Variants in POLA2 observed in about 807,000 individuals in gnomAD.
The protein encoded by POLA2 is DNA polymerase alpha 2, accessory subunit.
POLA2 carries 47 observed loss-of-function variants against 82.8 expected under a neutral mutation model. That is an observed-to-expected ratio of 0.57 (90% CI 0.45 to 0.72). POLA2 has a LOEUF of 0.72. POLA2 is among the 30% of genes least tolerant of loss of function. The pLI, the probability that POLA2 is intolerant of heterozygous loss-of-function variation, is 0.00. For synonymous variants in POLA2, 287 were observed against 286.8 expected (o/e 1.00, Z -0.01); for missense variants, 634 against 728.1 (o/e 0.87, Z 1.49).
At chr11:65,304,229 A>G (rs1590915777) in intron 8 of POLA2, among the ~76,000 whole-genome samples, 1 of 151,570 alleles carries the variant, frequency 6.6e-6, no homozygotes, top group South Asian at 2.1e-4. Context: ...CCATTCATCT[A>G]CCCACCCACC....
At position 65,294,156 on chromosome 11, in the gene POLA2, C is replaced by T. The variant is rs146866280; in HGVS notation, c.1248C>T (p.Ser416=). The T allele has an allele frequency of 2.2e-4, 354 of 1,611,802 alleles. 3 individuals are homozygous for T. In the South Asian group the frequency reaches 3.3e-3, roughly 15 times the overall value. The change falls in exon 14 of 18, where the codon TCC becomes TCT. Residue 416 remains serine, a synonymous_variant. Transcript: ENST00000265465. Reference sequence around the variant, plus strand: ...GTTTGTTCTTTTGCCATACTAGCTCCGGCTCCCACCTTGTCTTTGTCCCGT... The same window carrying T: ...GTTTGTTCTTTTGCCATACTAGCTCTGGCTCCCACCTTGTCTTTGTCCCGT... ...LRTIIEGTRS[S]GSHLVFVPSL...
At chr11:65,287,893 A>C in intron 11 of POLA2, 53 bp downstream of exon 11, 1 of 1,570,062 alleles carries the variant, frequency 6.4e-7, no homozygotes, top group Non-Finnish European at 8.7e-7. Context: ...AATGGCTTTA[A>C]TGAAGTTCTA....
In POLA2 at chr11:65,281,023, GT is replaced by G; in HGVS notation, c.777del (p.Cys259TrpfsTer7). ...EPVTLLGQIG[C>X]DSNGKLNNKS... Reference sequence around the variant, plus strand: ...GTCACTCTGCTGGGCCAGATTGGCTGTGATAGCAACGGGAAGCTGAACAACA... The same window carrying G: ...GTCACTCTGCTGGGCCAGATTGGCTGGATAGCAACGGGAAGCTGAACAACA... On this transcript the variant is annotated frameshift_variant, in exon 8 of 18. Coordinates refer to ENST00000265465, the MANE Select transcript of POLA2 (RefSeq NM_002689.4). LOFTEE classifies it high-confidence loss of function. 6.2e-7 allele frequency: 1 copy of G among 1,614,068 alleles called. No individual in the cohort carries two copies. Among genetic ancestry groups the G allele is most frequent in the Admixed American group, 1.7e-5 (1 of 60,026 alleles).
intron 3 of POLA2, 50 bp downstream of exon 3, chr11:65,267,618 A>G: frequency 7.3e-6 from 9 of 1,226,316 alleles, no homozygotes; most frequent in Non-Finnish European, 1.1e-5. Flanking sequence ...GTTGTATTTT[A>G]TAATTTGTCT....
chr11:65,304,727 T>C (rs913929438), intron 8 of POLA2, among the ~76,000 whole-genome samples: 4 of 152,082 alleles, frequency 2.6e-5, no homozygotes, highest in African/African-American at 9.7e-5. Context: ...TGGAGGAGCA[T>C]GTGCAGGGAC....
intron 3 of POLA2, among the ~76,000 whole-genome samples, 157 bp from the exon 4 acceptor site, chr11:65,268,515 A>AT (rs988249574): frequency 2.7e-5 from 4 of 149,620 alleles, no homozygotes; most frequent in Non-Finnish European, 4.5e-5. Flanking sequence ...AATTTTTTGT[A>AT]TTTTTTTTAG....
chr11:65,294,368 TA>T, intron 14 of POLA2, 107 bp downstream of exon 14: 1 of 1,021,536 alleles, frequency 9.8e-7, no homozygotes, highest in Non-Finnish European at 1.5e-6. Flanking sequence ...AGGGTGTGCG[TA>T]CAGCCTGAAT....
At chr11:65,299,409 CTG>C (rs1949845614), downstream of POLA2, among the ~76,000 whole-genome samples, 1 of 152,220 alleles carries the variant, frequency 6.6e-6, no homozygotes, top group African/African-American at 2.4e-5. Flanking sequence ...GTTCCAGTCT[CTG>C]AGAGGGAGAG....
At chr11:65,278,639 C>T in intron 5 of POLA2, 91 bp from the exon 6 acceptor site, 2 of 1,066,932 alleles carry the variant, frequency 1.9e-6, no homozygotes, top group Non-Finnish European at 1.4e-6. Flanking sequence ...TTCCTTTTCT[C>T]CAGTCCCCAT....
intron 10 of POLA2, among the ~76,000 whole-genome samples, chr11:65,282,750 T>C (rs944548659): frequency 6.6e-6 from 1 of 152,190 alleles, no homozygotes; most frequent in South Asian, 2.1e-4. Context: ...ACATGAAGCA[T>C]GTTGTTTAAA....
intron 10 of POLA2, 107 bp downstream of exon 10, chr11:65,282,628 A>C: frequency 1.1e-6 from 1 of 943,470 alleles, no homozygotes; most frequent in Non-Finnish European, 1.7e-6. Flanking sequence ...GCTGAAGAGC[A>C]ATGTGACCAA....
chr11:65,291,032 T>C (rs1391307064), intron 13 of POLA2, among the ~76,000 whole-genome samples: 1 of 152,290 alleles, frequency 6.6e-6, no homozygotes, highest in Non-Finnish European at 1.5e-5. Context: ...CAGTTCTCAT[T>C]TGAGAGGAAA....
chr11:65,275,970 C>G lies in POLA2; in HGVS notation c.433C>G (p.Leu145Val). The change falls in exon 5 of 18, where the codon CTA becomes GTA. Residue 145 changes from leucine (L) to valine (V), a missense_variant. Leu to Val is a conservative substitution (Grantham distance 32, BLOSUM62 1). Transcript: ENST00000265465. ...RSVSTRSPHQLLSPSSFSPSA... is the reference protein window; with the variant it reads ...RSVSTRSPHQVLSPSSFSPSA... ...TGTGTCAACTCGTAGCCCCCATCAG[C>G]TACTCTCACCGTCAAGTTTCTCTCC... 6.2e-7 allele frequency: 1 copy of G among 1,604,418 alleles called. No individual in the cohort carries two copies. Among genetic ancestry groups the G allele is most frequent in the Non-Finnish European group, 8.5e-7 (1 of 1,175,234 alleles).
At chr11:65,281,255 G>A in intron 8 of POLA2, 108 bp downstream of exon 8, 2 of 1,175,144 alleles carry the variant, frequency 1.7e-6, no homozygotes, top group Non-Finnish European at 2.4e-6. Flanking sequence ...GCTGCCATGG[G>A]GTGCAGCTGG....
At position 65,289,877 on chromosome 11, in the gene POLA2, G is replaced by A. The variant is rs1465339284; in HGVS notation, c.1244+5G>A. On this transcript the variant is annotated splice_donor_5th_base_variant and intron_variant, in intron 13 of 17. Transcript: ENST00000265465. ...AATTATTGAAGGCACAAGAAGGTCA[G>A]ATTTCAAAATACTGGACAGAACCTT... 28 of 1,579,898 alleles carry A rather than the reference G, an allele frequency of 1.8e-5. No individual in the cohort carries two copies. Among genetic ancestry groups the A allele is most frequent in the Non-Finnish European group, 2.1e-5 (24 of 1,149,094 alleles).
chr11:65,270,669 C>G (rs1949512282), intron 4 of POLA2, among the ~76,000 whole-genome samples: 1 of 152,160 alleles, frequency 6.6e-6, no homozygotes, highest in African/African-American at 2.4e-5. Flanking sequence ...CCTGTCATCC[C>G]TCTCCAGGAT....
chr11:65,265,565 C>T (rs1949450897), intron 1 of POLA2, among the ~76,000 whole-genome samples: 1 of 152,124 alleles, frequency 6.6e-6, no homozygotes, highest in Non-Finnish European at 1.5e-5. Flanking sequence ...ACTGCAGCCT[C>T]AACCTCCTTG....
intron 15 of POLA2, chr11:65,294,877 A>G: frequency 4.9e-6 from 2 of 408,314 alleles, no homozygotes; most frequent in Non-Finnish European, 4.4e-6. Context: ...TTGAGACCCC[A>G]AAGAACCACG....
At chr11:65,270,766 C>T (rs1206828560) in intron 4 of POLA2, among the ~76,000 whole-genome samples, 1 of 152,218 alleles carries the variant, frequency 6.6e-6, no homozygotes, top group African/African-American at 2.4e-5. Context: ...CCTAACTAGT[C>T]CATTGGCTTC....
Sources: allele counts gnomAD v4.1 joint callset (sites outside exome capture counted in the v4.1 genomes callset), GRCh38; gene constraint gnomAD v4.1.1; transcripts MANE v1.5; gene names NCBI Gene and HGNC (gene_info 2026-07-23, HGNC 2026-07-21).